PNRC2: variants seen among roughly 807,000 people sequenced by gnomAD.
PNRC2 encodes proline rich nuclear receptor coactivator 2.
A neutral mutation model predicts 12.2 loss-of-function variants in PNRC2; 2 were observed. The observed-to-expected ratio is 0.16, with a 90% CI of 0.07 to 0.52. PNRC2 has a LOEUF of 0.52. Ranked by LOEUF, PNRC2 falls within the 20% of genes least tolerant of loss-of-function variation. The pLI, the probability that PNRC2 is intolerant of heterozygous loss-of-function variation, is 0.95. For missense variants in PNRC2, 115 were observed against 158.4 expected (o/e 0.73, Z 1.47); for synonymous variants, 44 against 53.9 (o/e 0.82, Z 0.80).
At position 23,961,757 on chromosome 1, in the gene PNRC2, G is replaced by C. The variant is rs2148487879; in HGVS notation, c.300G>C (p.Glu100Asp). The C allele has an allele frequency of 1.2e-6, 2 of 1,613,958 alleles. No individual in the cohort carries two copies. Among genetic ancestry groups the C allele is most frequent in the East Asian group, 2.2e-5 (1 of 44,884 alleles). Residue 100 changes from glutamate (E) to aspartate (D), a missense_variant, in exon 3 of 3, where the codon GAG becomes GAC. By Grantham distance (45) the Glu-to-Asp change is conservative. Around this residue, in one of 2 missense-constraint regions of PNRC2, gnomAD observed 98 missense variants for 112.4 expected, o/e 0.87. Transcript: ENST00000334351. ...ACTATGCTGGTGCCAAATTTAGTGA[G>C]CCGCCATCACCAAGTGTTCTTCCCA... is the stretch of plus-strand genomic sequence containing the variant. ...NQNYAGAKFS[E>D]PPSPSVLPKP...
rs1451417628 is a variant in PNRC2, at chr1:23,963,424, A to G, written c.*1547A>G. 2 of 166,076 alleles carry G rather than the reference A, an allele frequency of 1.2e-5. No individual in the cohort carries two copies. The highest frequency in any genetic ancestry group is 4.8e-5 in the African/African-American group (2 of 41,414). The allele number at this position is 166,076 out of a possible 1,614,324, so 10.3% of individuals were successfully genotyped here. ...ATATGAATGTGAAGCATAAAATTAAATAAAATTTTTCCCCATTGGCTTGGT... is the reference window on the plus strand; with the variant it reads ...ATATGAATGTGAAGCATAAAATTAAGTAAAATTTTTCCCCATTGGCTTGGT... On this transcript the variant is annotated 3_prime_UTR_variant, in exon 3 of 3. Transcript: ENST00000334351.
chr1:23,960,052 T>A (rs1377927823), intron 1 of PNRC2, 54 bp downstream of exon 1: 4 of 152,002 alleles, frequency 2.6e-5, no homozygotes, highest in Admixed American at 6.6e-5. Flanking sequence ...CGCTCCCCAT[T>A]GTTGGAGGAA....
In PNRC2 at chr1:23,962,334, G is replaced by GT. The variant is rs1424209808; in HGVS notation, c.*458dup. 5.9e-6 allele frequency: 1 copy of GT among 170,208 alleles called. No homozygotes were observed. The highest frequency in any genetic ancestry group is 2.4e-5 in the African/African-American group (1 of 41,314). 10.5% of individuals were successfully genotyped at this position (170,208 alleles called of 1,614,324 possible). A position where few individuals can be genotyped will look rare whatever the true frequency, so the allele number is the denominator to read the frequency against. ...TGCTGAAAGAAAATGTGAATTTTTC[G>GT]TAATAATTGCATTTTAGTGAATTGT... is the stretch of plus-strand genomic sequence containing the variant. On this transcript the variant is annotated 3_prime_UTR_variant, in exon 3 of 3. Coordinates refer to ENST00000334351, the MANE Select transcript of PNRC2 (RefSeq NM_017761.4).
intron 1 of PNRC2, among the ~76,000 whole-genome samples, 178 bp downstream of exon 1, chr1:23,960,176 C>T (rs1641249413): frequency 6.6e-6 from 1 of 152,312 alleles, no homozygotes; most frequent in South Asian, 2.1e-4. Flanking sequence ...GGAAGCCAAG[C>T]CCTTGTGGCG....
chr1:23,962,645 A>C lies in PNRC2; in HGVS notation c.*768A>C, dbSNP rs1292511989. ...TTAAGTACCTAGGGGAGAAAGAGCC[A>C]TGTAAATATCTGTAATAAACTTGTA... On this transcript the variant is annotated 3_prime_UTR_variant, in exon 3 of 3. Transcript: ENST00000334351. The C allele has an allele frequency of 6.0e-6, 1 of 167,088 alleles. No individual in the cohort carries two copies. The highest frequency in any genetic ancestry group is 1.5e-5 in the Non-Finnish European group (1 of 68,092). 10.4% of individuals were successfully genotyped at this position (167,088 alleles called of 1,614,324 possible).
Position 23,961,060 on chromosome 1 carries a change from CTTG to C in PNRC2, c.-90_-88del, listed in dbSNP as rs1641267706. ...GGAAGGGATCTGTCAGAAAGCAACA[CTTG>C]TTATCTTGGGCTTGGCAGCAAGGAA... On this transcript the variant is annotated 5_prime_UTR_variant, in exon 2 of 3. Transcript: ENST00000334351. 1 of 407,578 alleles carries C rather than the reference CTTG, an allele frequency of 2.5e-6. No individual in the cohort carries two copies. The highest frequency in any genetic ancestry group is 1.1e-4 in the South Asian group (1 of 9,272). 25.2% of individuals were successfully genotyped at this position (407,578 alleles called of 1,614,324 possible). A position where few individuals can be genotyped will look rare whatever the true frequency, so the allele number is the denominator to read the frequency against.
chr1:23,959,634 AGTT>A (rs1641238474), upstream of PNRC2, among the ~76,000 whole-genome samples: 1 of 152,156 alleles, frequency 6.6e-6, no homozygotes, highest in Non-Finnish European at 1.5e-5. Context: ...TGGACCGAGC[AGTT>A]ACTCCCGGCA....
upstream of PNRC2, among the ~76,000 whole-genome samples, chr1:23,959,511 G>A (rs2148486913): frequency 6.6e-6 from 1 of 152,236 alleles, no homozygotes; most frequent in South Asian, 2.1e-4. Flanking sequence ...TCCCAAGGGC[G>A]GCGAGCCCGC....
rs1233009341 is a variant in PNRC2 at position 23,962,962 on chromosome 1, T to C, written c.*1085T>C. The stretch of plus-strand genomic sequence containing the variant: ...AGATGTGAAATGCAGTATGGGACTA[T>C]CTTTTTTTCCTCCTCTAAGCCCAAA... On this transcript the variant is annotated 3_prime_UTR_variant, in exon 3 of 3. Coordinates refer to ENST00000334351, the MANE Select transcript of PNRC2 (RefSeq NM_017761.4). 2 of 167,012 alleles carry C rather than the reference T, an allele frequency of 1.2e-5. No individual in the cohort carries two copies. The highest frequency in any genetic ancestry group is 2.4e-5 in the African/African-American group (1 of 41,542). The allele number at this position is 167,012 out of a possible 1,614,324, so 10.3% of individuals were successfully genotyped here.
chr1:23,962,725 G>C lies in PNRC2; in HGVS notation c.*848G>C, dbSNP rs1449966942. On this transcript the variant is annotated 3_prime_UTR_variant, in exon 3 of 3. Transcript: ENST00000334351. Reference sequence around the variant, plus strand: ...TTACAAAAATGGAGTATTTTAGTATGAATTTGCTGAATGTAAGACCGTGGA... The same window carrying C: ...TTACAAAAATGGAGTATTTTAGTATCAATTTGCTGAATGTAAGACCGTGGA... 6.0e-6 allele frequency: 1 copy of C among 167,002 alleles called. No individual in the cohort carries two copies. The highest frequency in any genetic ancestry group is 1.5e-5 in the Non-Finnish European group (1 of 68,062). 10.3% of individuals were successfully genotyped at this position (167,002 alleles called of 1,614,324 possible). A position where few individuals can be genotyped will look rare whatever the true frequency, so the allele number is the denominator to read the frequency against.
rs1641244043 is a variant in PNRC2, at chr1:23,959,920, C to G, written c.-303C>G. 6.6e-6 allele frequency: 1 copy of G among 152,250 alleles called. No individual in the cohort carries two copies. Among genetic ancestry groups the G allele is most frequent in the Non-Finnish European group, 1.5e-5 (1 of 68,066 alleles). 9.4% of individuals were successfully genotyped at this position (152,250 alleles called of 1,614,324 possible). A position where few individuals can be genotyped will look rare whatever the true frequency, so the allele number is the denominator to read the frequency against. On this transcript the variant is annotated 5_prime_UTR_variant, in exon 1 of 3. Coordinates refer to ENST00000334351, the MANE Select transcript of PNRC2 (RefSeq NM_017761.4). ...GTTCGTGGGCTTTGTCGGTCCGTGC[C>G]TCGTCTCTCCCTGGAAAGGGAGGGA... is the stretch of plus-strand genomic sequence containing the variant.
In PNRC2 at chr1:23,962,531, A is replaced by G. The variant is rs1641301280; in HGVS notation, c.*654A>G. ...AATAGCTTTCAAAATACATTTTTGTATTACAGCACTGCACAAGCTATTCTA... is the reference window on the plus strand; with the variant it reads ...AATAGCTTTCAAAATACATTTTTGTGTTACAGCACTGCACAAGCTATTCTA... On this transcript the variant is annotated 3_prime_UTR_variant, in exon 3 of 3. Transcript: ENST00000334351. 1.8e-5 allele frequency: 3 copies of G among 167,112 alleles called. No homozygotes were observed. The South Asian group carries it at 6.2e-4, about 35-fold the overall frequency. 10.4% of individuals were successfully genotyped at this position (167,112 alleles called of 1,614,324 possible).
chr1:23,961,333 T>C, intron 2 of PNRC2, 107 bp from the exon 3 acceptor site: 1 of 813,620 alleles, frequency 1.2e-6, no homozygotes. Context: ...TTATTGAGTC[T>C]TGTCCAAAAT....
chr1:23,960,647 G>C (rs1261630511), intron 1 of PNRC2, among the ~76,000 whole-genome samples: 1 of 152,174 alleles, frequency 6.6e-6, no homozygotes, highest in Non-Finnish European at 1.5e-5. Context: ...TTTTATACGC[G>C]AGAGAATCTG....
upstream of PNRC2, among the ~76,000 whole-genome samples, chr1:23,959,640 T>C (rs1641238731): frequency 6.6e-6 from 1 of 152,110 alleles, no homozygotes; most frequent in Non-Finnish European, 1.5e-5. Context: ...GAGCAGTTAC[T>C]CCCGGCATGC....
chr1:23,960,336 T>C (rs1309272943), intron 1 of PNRC2, among the ~76,000 whole-genome samples: 2 of 152,234 alleles, frequency 1.3e-5, no homozygotes, highest in African/African-American at 2.4e-5. Flanking sequence ...TCTTGGAACA[T>C]CAAATTAAAA....
At chr1:23,959,587 C>T (rs1641237357), upstream of PNRC2, among the ~76,000 whole-genome samples, 2 of 152,176 alleles carry the variant, frequency 1.3e-5, no homozygotes, top group South Asian at 4.1e-4. Flanking sequence ...GGGCCAGGGG[C>T]GCGGAGAGGC....
In PNRC2 at chr1:23,961,668, A is replaced by C; in HGVS notation, c.211A>C (p.Asn71His). Residue 71 changes from asparagine (N) to histidine (H), a missense_variant, in exon 3 of 3, where the codon AAT becomes CAT. Coordinates refer to ENST00000334351, the MANE Select transcript of PNRC2 (RefSeq NM_017761.4). The stretch of plus-strand genomic sequence containing the variant: ...GGGGAAGAACAAAAATTTTCCAAAT[A>C]ATCAAAGTTGGAATTCTAGCTTATC... ...NGGKNKNFPNNQSWNSSLSGP... is the reference protein window; with the variant it reads ...NGGKNKNFPNHQSWNSSLSGP... The C allele has an allele frequency of 6.2e-7, 1 of 1,613,936 alleles. No homozygotes were observed. Among genetic ancestry groups the C allele is most frequent in the Non-Finnish European group, 8.5e-7 (1 of 1,179,784 alleles).
chr1:23,962,394 A>G lies in PNRC2; in HGVS notation c.*517A>G, dbSNP rs1002232993. ...GGAAAGGGCATTTGGAGCTCATTAG[A>G]ATGAGACATAGTACACCCCAATGGC... On this transcript the variant is annotated 3_prime_UTR_variant, in exon 3 of 3. Coordinates refer to ENST00000334351, the MANE Select transcript of PNRC2 (RefSeq NM_017761.4). 16 of 168,126 alleles carry G rather than the reference A, an allele frequency of 9.5e-5. No individual in the cohort carries two copies. Among genetic ancestry groups the G allele is most frequent in the African/African-American group, 3.9e-4 (16 of 41,472 alleles). 10.4% of individuals were successfully genotyped at this position (168,126 alleles called of 1,614,324 possible).
Sources: allele counts gnomAD v4.1 joint callset (sites outside exome capture counted in the v4.1 genomes callset), GRCh38; gene constraint gnomAD v4.1.1; regional missense constraint gnomAD v4.1.1; transcripts MANE v1.5; gene names NCBI Gene and HGNC (gene_info 2026-07-23, HGNC 2026-07-21).